Variants in CRAMP1 observed in about 807,000 individuals in gnomAD.
CRAMP1 encodes the protein cramped chromatin regulator 1, also known as protein cramped-like.
In CRAMP1, 50 loss-of-function variants were observed where a neutral mutation model predicts 115.4. The ratio of observed to expected loss-of-function variants is 0.43; its 90% CI spans 0.35 to 0.55. The LOEUF (loss-of-function observed/expected upper bound fraction) is 0.55. Ranked by LOEUF, CRAMP1 falls within the 20% of genes least tolerant of loss-of-function variation. The pLI, the probability that CRAMP1 is intolerant of heterozygous loss-of-function variation, is 0.01. For missense variants in CRAMP1, 1,679 were observed against 1,721.7 expected (o/e 0.98, Z 0.44); for synonymous variants, 866 against 745.4 (o/e 1.16, Z -2.64).
In CRAMP1 at chr16:1,614,692, T is replaced by A; in HGVS notation, c.53T>A (p.Leu18Gln). Reference sequence around the variant, plus strand: ...AGCGGGGAGGACGGGCTCAAGAAGCTGGGCAAGCGGGCGGCCGATGAGGAG... The same window carrying A: ...AGCGGGGAGGACGGGCTCAAGAAGCAGGGCAAGCGGGCGGCCGATGAGGAG... ...GGSGEDGLKKLGKRAADEESL... is the reference protein window; with the variant it reads ...GGSGEDGLKKQGKRAADEESL... Residue 18 changes from leucine (L) to glutamine (Q), a missense_variant, in exon 2 of 21, where the codon CTG becomes CAG. Coordinates refer to ENST00000397412, the MANE Select transcript of CRAMP1 (RefSeq NM_020825.4). This position sits in a 1 kb window ranked among gnomAD's most constrained non-coding sequence, Gnocchi z 4.4. 1 of 1,324,438 alleles carries A rather than the reference T, an allele frequency of 7.6e-7. No homozygotes were observed. The highest frequency in any genetic ancestry group is 9.7e-7 in the Non-Finnish European group (1 of 1,030,340). The allele number at this position is 1,324,438 out of a possible 1,614,324, so 82.0% of individuals were successfully genotyped here. A position where few individuals can be genotyped will look rare whatever the true frequency, so the allele number is the denominator to read the frequency against.
intron 2 of CRAMP1, among the ~76,000 whole-genome samples, chr16:1,616,981 A>ATTT (rs547298817): frequency 3.6e-5 from 5 of 137,620 alleles, no homozygotes; most frequent in African/African-American, 1.1e-4. Flanking sequence ...CACCCAGCTA[A>ATTT]TTTTTTTTTT....
intron 6 of CRAMP1, among the ~76,000 whole-genome samples, chr16:1,644,937 A>G (rs140747224): frequency 0.017 from 2,614 of 151,990 alleles, 76 homozygotes; most frequent in African/African-American, 0.059. Flanking sequence ...CCTGGGCTCA[A>G]GTGATCCTCC....
Position 1,671,127 on chromosome 16 carries a change from C to G in CRAMP1, c.3645+318C>G, listed in dbSNP as rs544547989. ...AGAGCCGAGTGGGGATGTTACCTCT[C>G]CTTCCCTGGCTGTGAGGTGCTGAGG... On this transcript the variant is annotated intron_variant, in intron 20 of 20. Coordinates refer to ENST00000397412, the MANE Select transcript of CRAMP1 (RefSeq NM_020825.4). This position sits in a 1 kb window ranked among gnomAD's most constrained non-coding sequence, Gnocchi z 5.0. 2.0e-5 allele frequency among the ~76,000 whole-genome samples: 3 copies of G among 152,302 alleles called. No individual in the cohort carries two copies. The highest frequency in any genetic ancestry group is 4.4e-5 in the Non-Finnish European group (3 of 68,022).
At chr16:1,640,499 A>C (rs955969850) in intron 5 of CRAMP1, among the ~76,000 whole-genome samples, 1 of 152,186 alleles carries the variant, frequency 6.6e-6, no homozygotes, top group East Asian at 1.9e-4. Flanking sequence ...CATGCAGAAG[A>C]ATTCAAAGAA....
rs1258251649 is a variant in CRAMP1 at position 1,614,811 on chromosome 16, G to T, written c.172G>T (p.Gly58Cys). ...GAAGACCCCCCGGGCCGGCGCCGAC[G>T]GCCCCCCCGCGCCCCCCGGCGCGCC... ...DEKTPRAGAD[G>C]PPAPPGAPQA... Residue 58 changes from glycine to cysteine, a missense_variant, in exon 2 of 21, where the codon GGC becomes TGC. By Grantham distance (159) the Gly-to-Cys change is radical. This residue lies in a region of CRAMP1 where 264 missense variants were observed against 229.7 expected (regional missense o/e 1.15). Transcript: ENST00000397412. This position sits in a 1 kb window ranked among gnomAD's most constrained non-coding sequence, Gnocchi z 4.4. 3.1e-6 allele frequency: 4 copies of T among 1,278,036 alleles called. No individual in the cohort carries two copies. The highest frequency in any genetic ancestry group is 3.9e-6 in the Non-Finnish European group (4 of 1,015,534). The allele number at this position is 1,278,036 out of a possible 1,614,324, so 79.2% of individuals were successfully genotyped here.
At chr16:1,626,398 T>C (rs1318289140) in intron 3 of CRAMP1, among the ~76,000 whole-genome samples, 4 of 152,154 alleles carry the variant, frequency 2.6e-5, no homozygotes, top group African/African-American at 9.7e-5. Context: ...TGAGGAGGTG[T>C]TTTTGTGTGT....
intron 19 of CRAMP1, among the ~76,000 whole-genome samples, chr16:1,670,121 CAGGTGTG>C (rs1190273052): frequency 6.6e-6 from 1 of 151,802 alleles, no homozygotes. Context: ...TAAAACTAGC[CAGGTGTG>C]GGGGGTGCAT....
In CRAMP1 at chr16:1,673,863, T is replaced by A; in HGVS notation, c.3646-18T>A. 1 of 1,613,442 alleles carries A rather than the reference T, an allele frequency of 6.2e-7. No homozygotes were observed. Among genetic ancestry groups the A allele is most frequent in the African/African-American group, 1.3e-5 (1 of 75,038 alleles). ...GCAGGTCGCGGTGACTTGTTCTTCC[T>A]GTCTCCTCTTCCTGCAGGTTGTGGA... On this transcript the variant is annotated intron_variant, in intron 20 of 20. Transcript: ENST00000397412.
intron 4 of CRAMP1, among the ~76,000 whole-genome samples, chr16:1,634,406 C>A (rs1196263942): frequency 1.3e-5 from 2 of 152,124 alleles, no homozygotes; most frequent in African/African-American, 4.8e-5. Flanking sequence ...CCTCCTAATC[C>A]TAAACTTGCT....
In CRAMP1 at chr16:1,641,224, G is replaced by A. The variant is rs758688872; in HGVS notation, c.827+37G>A. On this transcript the variant is annotated intron_variant, in intron 6 of 20. Transcript: ENST00000397412. Reference sequence around the variant, plus strand: ...TTTCCATGTGAAACATCACTTCTCTGGGTGTTTTGTGTTTATTCTCTAAAA... The same window carrying A: ...TTTCCATGTGAAACATCACTTCTCTAGGTGTTTTGTGTTTATTCTCTAAAA... 4 of 1,490,688 alleles carry A rather than the reference G, an allele frequency of 2.7e-6. No homozygotes were observed. In the African/African-American group the frequency reaches 4.1e-5, roughly 15 times the overall value. 92.3% of individuals were successfully genotyped at this position (1,490,688 alleles called of 1,614,324 possible). A position where few individuals can be genotyped will look rare whatever the true frequency, so the allele number is the denominator to read the frequency against.
At chr16:1,646,349 C>G (rs1374241170) in intron 6 of CRAMP1, among the ~76,000 whole-genome samples, 1 of 152,134 alleles carries the variant, frequency 6.6e-6, no homozygotes, top group East Asian at 1.9e-4. Flanking sequence ...GCAGTTGCTT[C>G]CCACACTCCC....
intron 6 of CRAMP1, among the ~76,000 whole-genome samples, chr16:1,647,466 C>T (rs2036685660): frequency 6.6e-6 from 1 of 152,248 alleles, no homozygotes; most frequent in Non-Finnish European, 1.5e-5. Flanking sequence ...TTCACCTAGG[C>T]GTGGTGGCTC....
intron 6 of CRAMP1, chr16:1,645,433 C>T (rs1375359648): frequency 5.4e-6 from 1 of 185,072 alleles, no homozygotes; most frequent in Non-Finnish European, 1.2e-5. Flanking sequence ...GGTTATCCTC[C>T]CACCTTGGCC....
At position 1,674,169 on chromosome 16, in the gene CRAMP1, C is replaced by T. The variant is rs2036947400; in HGVS notation, c.*124C>T. The T allele has an allele frequency of 9.2e-6, 9 of 981,644 alleles. No homozygotes were observed. The highest frequency in any genetic ancestry group is 3.4e-5 in the South Asian group (2 of 59,618). 60.8% of individuals were successfully genotyped at this position (981,644 alleles called of 1,614,324 possible). A position where few individuals can be genotyped will look rare whatever the true frequency, so the allele number is the denominator to read the frequency against. On this transcript the variant is annotated 3_prime_UTR_variant, in exon 21 of 21. Transcript: ENST00000397412. ...CCCAAGACTGTGCAACGGGCAGGAA[C>T]GTGGTCACAGAGCTGCTTCCCCACG...
rs1338963473 is a variant in CRAMP1 at position 1,666,519 on chromosome 16, T to A, written c.2955T>A (p.Ser985=). The part of the protein sequence containing the change: ...TEGLSGISPL[S]SDEVTGAISG... ...GCTTGTCTGGCATCTCTCCACTGTCTTCAGACGAGGTGACGGGTGCCATCT... is the reference window on the plus strand; with the variant it reads ...GCTTGTCTGGCATCTCTCCACTGTCATCAGACGAGGTGACGGGTGCCATCT... Residue 985 remains serine, a synonymous_variant, in exon 16 of 21, where the codon TCT becomes TCA. Coordinates refer to ENST00000397412, the MANE Select transcript of CRAMP1 (RefSeq NM_020825.4). The surrounding 1 kb of genome is among the most constrained non-coding windows in gnomAD (Gnocchi z 5.0). 1.2e-6 allele frequency: 2 copies of A among 1,613,914 alleles called. No homozygotes were observed. Among genetic ancestry groups the A allele is most frequent in the East Asian group, 4.5e-5 (2 of 44,872 alleles).
intron 6 of CRAMP1, 24 bp from the exon 7 acceptor site, chr16:1,652,472 G>A (rs576186306): frequency 1.3e-5 from 20 of 1,546,860 alleles, no homozygotes; most frequent in South Asian, 2.4e-5. Flanking sequence ...AGGCCTCAGC[G>A]TTCCTTCAAA....
chr16:1,668,041 A>G lies in CRAMP1; in HGVS notation c.3182A>G (p.Glu1061Gly). The change falls in exon 18 of 21, where the codon GAG becomes GGG. Residue 1061 changes from glutamate (E) to glycine (G), a missense_variant. By Grantham distance (98) the Glu-to-Gly change is moderately conservative. Around this residue, in one of 8 missense-constraint regions of CRAMP1, gnomAD observed 709 missense variants for 741.9 expected, o/e 0.96. Transcript: ENST00000397412. ...CTCTCCATACCGCTGTCCTCGTCAG[A>G]GAGCTCCAGCACCCGGCTGTCTCCA... ...NGLSIPLSSS[E>G]SSSTRLSPPD... The G allele has an allele frequency of 6.2e-7, 1 of 1,613,912 alleles. No homozygotes were observed.
At chr16:1,673,804 C>G in intron 20 of CRAMP1, 77 bp from the exon 21 acceptor site, 5 of 1,400,482 alleles carry the variant, frequency 3.6e-6, no homozygotes, top group Non-Finnish European at 4.0e-6. Flanking sequence ...AGCTTCTCGT[C>G]CTGTTTCAGG....
At chr16:1,652,024 CAG>C (rs1400337477) in intron 6 of CRAMP1, among the ~76,000 whole-genome samples, 2 of 151,650 alleles carry the variant, frequency 1.3e-5, no homozygotes, top group African/African-American at 4.8e-5. Context: ...TTAGGTCACA[CAG>C]AGGTCACAGG....
Sources: allele counts gnomAD v4.1 joint callset (sites outside exome capture counted in the v4.1 genomes callset), GRCh38; gene constraint gnomAD v4.1.1; regional missense constraint gnomAD v4.1.1; non-coding constraint Gnocchi (gnomAD v3.1); transcripts MANE v1.5; gene names NCBI Gene and HGNC (gene_info 2026-07-23, HGNC 2026-07-21).